Variants in FRY observed in about 807,000 individuals in gnomAD.
The protein encoded by FRY is FRY microtubule binding protein.
Under a neutral mutation model 348.4 loss-of-function variants are expected in FRY, and 128 were observed. The ratio of observed to expected loss-of-function variants is 0.37; its 90% CI spans 0.32 to 0.43. FRY has a LOEUF of 0.43. Among genes scored for constraint, FRY ranks in the 20% least tolerant of loss-of-function variants. The pLI is 1.00. For synonymous variants in FRY, 1,370 were observed against 1,374.7 expected, an observed-to-expected ratio of 1.00 and a Z score of 0.08; for missense variants, 2,736 against 3,695.2, an observed-to-expected ratio of 0.74 and a Z score of 6.73.
intron 37 of FRY, 145 bp downstream of exon 37, chr13:32,224,530 C>T: frequency 1.3e-6 from 1 of 746,674 alleles, no homozygotes; most frequent in East Asian, 2.7e-5. Flanking sequence ...TGTCAGCTTC[C>T]AGCATATTAG....
intron 41 of FRY, among the ~76,000 whole-genome samples, chr13:32,231,916 C>T (rs1885938882): frequency 6.6e-6 from 1 of 152,090 alleles, no homozygotes; most frequent in Admixed American, 6.5e-5. Context: ...TTCCTCACAC[C>T]AGGCTGGCAA....
intron 59 of FRY, among the ~76,000 whole-genome samples, chr13:32,293,960 A>G (rs1281683356): frequency 1.3e-5 from 2 of 152,204 alleles, no homozygotes; most frequent in Non-Finnish European, 1.5e-5. Flanking sequence ...AGTCTCACAG[A>G]TGAGAAAACC....
rs185309573 is a variant in FRY at position 32,073,852 on chromosome 13, G to A, written c.71-4982G>A. ...GCCTCTAGGGCTCTTATATGAGGAC[G>A]CTCATTTCATTTCAGTGTTATAATA... On this transcript the variant is annotated intron_variant, in intron 1 of 60. Coordinates refer to ENST00000542859, the MANE Select transcript of FRY (RefSeq NM_023037.3). Among the ~76,000 whole-genome samples the A allele has an allele frequency of 2.4e-3, 358 of 152,238 alleles. 3 individuals are homozygous for A. The highest frequency in any genetic ancestry group is 3.8e-3 in the Non-Finnish European group (258 of 68,008).
rs1010851680 is a variant in FRY at position 32,296,511 on chromosome 13, C to T, written c.*1051C>T. 1 of 151,378 alleles carries T rather than the reference C, an allele frequency of 6.6e-6. No individual in the cohort carries two copies. The highest frequency in any genetic ancestry group is 2.4e-5 in the African/African-American group (1 of 40,996). The allele number at this position is 151,378 out of a possible 1,614,324, so 9.4% of individuals were successfully genotyped here. On this transcript the variant is annotated 3_prime_UTR_variant, in exon 61 of 61. Coordinates refer to ENST00000542859, the MANE Select transcript of FRY (RefSeq NM_023037.3). The stretch of plus-strand genomic sequence containing the variant: ...ATGTGAACTTGTTGCACTGCAGAAA[C>T]ATATTCAGAGTTTATCTATGTAACT...
At position 32,297,951 on chromosome 13, in the gene FRY, A is replaced by G. The variant is rs375439261; in HGVS notation, c.*2491A>G. 6.6e-6 allele frequency: 1 copy of G among 152,240 alleles called. No individual in the cohort carries two copies. Among genetic ancestry groups the G allele is most frequent in the Admixed American group, 6.5e-5 (1 of 15,282 alleles). The allele number at this position is 152,240 out of a possible 1,614,324, so 9.4% of individuals were successfully genotyped here. Reference sequence around the variant, plus strand: ...ACCTGCAGAATAAAGCAATCCAGACAGGCGCTCTGTAACTTAGACATCACT... The same window carrying G: ...ACCTGCAGAATAAAGCAATCCAGACGGGCGCTCTGTAACTTAGACATCACT... On this transcript the variant is annotated 3_prime_UTR_variant, in exon 61 of 61. Coordinates refer to ENST00000542859, the MANE Select transcript of FRY (RefSeq NM_023037.3).
At chr13:32,058,142 A>C (rs553245455) in intron 1 of FRY, among the ~76,000 whole-genome samples, 2 of 152,290 alleles carry the variant, frequency 1.3e-5, no homozygotes, top group East Asian at 3.9e-4. Flanking sequence ...AATCCAGTTT[A>C]TTTTATTTAT....
chr13:32,271,496 C>T (rs1246487494), intron 55 of FRY, among the ~76,000 whole-genome samples: 1 of 152,302 alleles, frequency 6.6e-6, no homozygotes, highest in African/African-American at 2.4e-5. Context: ...CTGGCCCCGC[C>T]ACAGAGACTG....
rs1196802334 is a variant in FRY, at chr13:32,161,117, T to C, written c.1785-27T>C. Reference sequence around the variant, plus strand: ...TTTATTTTCACAGCTTTTTGACCTATTTTAAAATTTTGTCTTCTAATTCTA... The same window carrying C: ...TTTATTTTCACAGCTTTTTGACCTACTTTAAAATTTTGTCTTCTAATTCTA... On this transcript the variant is annotated intron_variant, in intron 16 of 60. Coordinates refer to ENST00000542859, the MANE Select transcript of FRY (RefSeq NM_023037.3). The C allele has an allele frequency of 4.3e-6, 6 of 1,393,186 alleles. No homozygotes were observed. In the South Asian group the frequency reaches 5.8e-5, roughly 13 times the overall value. The allele number at this position is 1,393,186 out of a possible 1,614,324, so 86.3% of individuals were successfully genotyped here.
chr13:32,261,492 G>A (rs766096617), intron 51 of FRY, 124 bp from the exon 52 acceptor site: 2 of 878,726 alleles, frequency 2.3e-6, no homozygotes, highest in Non-Finnish European at 3.9e-6. Flanking sequence ...TGATACCAAA[G>A]TCGATGAGGG....
chr13:32,168,568 T>G (rs1881882535), intron 17 of FRY, among the ~76,000 whole-genome samples: 1 of 152,234 alleles, frequency 6.6e-6, no homozygotes, highest in African/African-American at 2.4e-5. Context: ...TTTGAAAACT[T>G]CTGTTTTAGA....
chr13:32,176,528 A>G (rs1882369801), intron 20 of FRY, among the ~76,000 whole-genome samples: 1 of 152,252 alleles, frequency 6.6e-6, no homozygotes, highest in Non-Finnish European at 1.5e-5. Flanking sequence ...TGATCATAAT[A>G]ATAATACACT....
At chr13:32,234,484 C>G in intron 41 of FRY, 90 bp from the exon 42 acceptor site, 2 of 1,106,578 alleles carry the variant, frequency 1.8e-6, no homozygotes, top group Non-Finnish European at 2.8e-6. Flanking sequence ...AGCCCTGTGC[C>G]GTTAGCCTGT....
At chr13:32,205,414 A>G (rs1186009683) in intron 31 of FRY, among the ~76,000 whole-genome samples, 1 of 152,218 alleles carries the variant, frequency 6.6e-6, no homozygotes, top group Non-Finnish European at 1.5e-5. Context: ...ATAGCAGACA[A>G]GTAGTTGATA....
intron 17 of FRY, among the ~76,000 whole-genome samples, chr13:32,168,080 T>G (rs1455063970): frequency 6.6e-6 from 1 of 152,186 alleles, no homozygotes; most frequent in East Asian, 1.9e-4. Context: ...AATTGGCTCA[T>G]GTAGTTATGG....
intron 3 of FRY, among the ~76,000 whole-genome samples, chr13:32,103,523 G>A (rs1436053816): frequency 6.6e-6 from 1 of 152,156 alleles, no homozygotes; most frequent in Non-Finnish European, 1.5e-5. Flanking sequence ...GAGGGAAGCG[G>A]GAGGGATAGC....
intron 1 of FRY, 86 bp from the exon 2 acceptor site, chr13:32,078,748 A>G (rs1172942465): frequency 4.0e-6 from 4 of 998,818 alleles, no homozygotes; most frequent in African/African-American, 1.6e-5. Flanking sequence ...TATGATTCAT[A>G]TCCTGATATT....
chr13:32,158,691 T>C lies in FRY; in HGVS notation c.1784+1286T>C, dbSNP rs554705180. Among the ~76,000 whole-genome samples the C allele has an allele frequency of 2.6e-5, 4 of 151,920 alleles. No individual in the cohort carries two copies. The South Asian group carries it at 6.2e-4, about 24-fold the overall frequency. On this transcript the variant is annotated intron_variant, in intron 16 of 60. Coordinates refer to ENST00000542859, the MANE Select transcript of FRY (RefSeq NM_023037.3). ...CCAGCACTTTGGGAGGCCAAGGCGG[T>C]CAGACCACTTGAGGTCAAGAGTTCA...
chr13:32,044,422 C>T (rs1872910730), intron 1 of FRY, among the ~76,000 whole-genome samples: 1 of 152,220 alleles, frequency 6.6e-6, no homozygotes, highest in African/African-American at 2.4e-5. Flanking sequence ...TGCCATGTTT[C>T]AGCCACAGTG....
chr13:32,031,972 TTTTC>T (rs1160871134), intron 1 of FRY, 107 bp downstream of exon 1: 7 of 644,178 alleles, frequency 1.1e-5, no homozygotes, highest in Non-Finnish European at 1.7e-5. Context: ...CCGCGGAAGT[TTTTC>T]TTTTTTTCTT....
Sources: allele counts gnomAD v4.1 joint callset (sites outside exome capture counted in the v4.1 genomes callset), GRCh38; gene constraint gnomAD v4.1.1; transcripts MANE v1.5; gene names NCBI Gene and HGNC (gene_info 2026-07-23, HGNC 2026-07-21).